The following HS3ST4 variants were observed in gnomAD, a reference collection of about 807,000 sequenced individuals.
The protein encoded by HS3ST4 is heparan sulfate glucosamine 3-O-sulfotransferase 4.
HS3ST4 carries 17 observed loss-of-function variants against 29.2 expected under a neutral mutation model. The observed-to-expected ratio is 0.58, with a 90% CI of 0.40 to 0.87. The LOEUF is 0.87. HS3ST4 is among the 40% of genes least tolerant of loss of function. The pLI is 0.00. For synonymous variants in HS3ST4, 314 were observed against 285.7 expected (o/e 1.10, Z -1.00); for missense variants, 627 against 634.5 (o/e 0.99, Z 0.13).
rs1966259709 is a variant in HS3ST4, at chr16:25,692,471, C to T, written c.54C>T (p.Ala18=). Residue 18 remains alanine (A), a synonymous_variant, in exon 1 of 2, where the codon GCC becomes GCT. Coordinates refer to ENST00000331351, the MANE Select transcript of HS3ST4 (RefSeq NM_006040.3). ...CTCCGCCTCCGCCTCCACCTCTGGC[C>T]GCGCCGCCGCCGCCCGGCGCCTCTG... ...PPPPPPPPPL[A]APPPPGASAK... is the part of the protein sequence containing the mutation. The T allele has an allele frequency of 1.5e-6, 2 of 1,364,842 alleles. No homozygotes were observed. The highest frequency in any genetic ancestry group is 1.9e-6 in the Non-Finnish European group (2 of 1,045,292). 84.5% of individuals were successfully genotyped at this position (1,364,842 alleles called of 1,614,324 possible).
At chr16:25,736,497 G>A (rs1202397102) in intron 1 of HS3ST4, among the ~76,000 whole-genome samples, 1 of 152,178 alleles carries the variant, frequency 6.6e-6, no homozygotes, top group Non-Finnish European at 1.5e-5. Context: ...TCTGTAAGAT[G>A]CACTCTTATT....
At chr16:25,722,550 C>T (rs1037593242) in intron 1 of HS3ST4, among the ~76,000 whole-genome samples, 1 of 152,180 alleles carries the variant, frequency 6.6e-6, no homozygotes, top group African/African-American at 2.4e-5. Context: ...CATATGGATA[C>T]AGTGTCACCT....
At chr16:26,039,246 G>A (rs1969611665) in intron 1 of HS3ST4, among the ~76,000 whole-genome samples, 1 of 152,190 alleles carries the variant, frequency 6.6e-6, no homozygotes, top group Non-Finnish European at 1.5e-5. Context: ...TATAGGTAAA[G>A]TGAAGATGTC....
intron 1 of HS3ST4, among the ~76,000 whole-genome samples, chr16:25,925,716 C>T (rs1432445473): frequency 6.6e-6 from 1 of 152,158 alleles, no homozygotes; most frequent in African/African-American, 2.4e-5. Context: ...GTGTCTTTCG[C>T]AAAGCCAAAG....
Position 25,979,057 on chromosome 16 carries a change from C to T in HS3ST4, c.735-156555C>T, listed in dbSNP as rs538203319. Among the ~76,000 whole-genome samples, 5 of 150,228 alleles carry T rather than the reference C, an allele frequency of 3.3e-5. No homozygotes were observed. The South Asian group carries it at 1.1e-3, about 32-fold the overall frequency. On this transcript the variant is annotated intron_variant, in intron 1 of 1. Transcript: ENST00000331351. Reference sequence around the variant, plus strand: ...GGATTACAGGCATGCACCATCATGCCCGGCTAATTTTGTATTTTCAGTAGA... The same window carrying T: ...GGATTACAGGCATGCACCATCATGCTCGGCTAATTTTGTATTTTCAGTAGA...
chr16:25,860,490 A>T (rs1967625620), intron 1 of HS3ST4, among the ~76,000 whole-genome samples: 1 of 152,168 alleles, frequency 6.6e-6, no homozygotes, highest in South Asian at 2.1e-4. Flanking sequence ...TACACAGTTT[A>T]TGGATACATA....
intron 1 of HS3ST4, among the ~76,000 whole-genome samples, chr16:25,852,406 C>A (rs553861095): frequency 6.6e-6 from 1 of 152,226 alleles, no homozygotes; most frequent in South Asian, 2.1e-4. Flanking sequence ...AACCCATCAC[C>A]TAGGTATTAA....
At chr16:26,024,956 T>C (rs1416493379) in intron 1 of HS3ST4, among the ~76,000 whole-genome samples, 2 of 152,204 alleles carry the variant, frequency 1.3e-5, no homozygotes, top group African/African-American at 4.8e-5. Flanking sequence ...TTGTGGAATA[T>C]GACTTATCTT....
Position 26,046,286 on chromosome 16 carries a change from G to A in HS3ST4, c.735-89326G>A, listed in dbSNP as rs79380879. 0.023 allele frequency among the ~76,000 whole-genome samples: 3,433 copies of A among 152,006 alleles called. 206 individuals are homozygous for A. In the East Asian group the frequency reaches 0.28, roughly 12 times the overall value. On this transcript the variant is annotated intron_variant, in intron 1 of 1. Transcript: ENST00000331351. ...CTGTCTCAGCCTCCTGAGTAGCTGG[G>A]ATGACAGGCACTTGCCACCACGCCC... is the stretch of plus-strand genomic sequence containing the variant.
At chr16:25,794,330 T>G (rs1027018317) in intron 1 of HS3ST4, among the ~76,000 whole-genome samples, 1 of 152,150 alleles carries the variant, frequency 6.6e-6, no homozygotes. Context: ...TCTTTATTTC[T>G]TCTTGCATTT....
intron 1 of HS3ST4, among the ~76,000 whole-genome samples, chr16:25,920,013 G>A (rs2141682284): frequency 6.6e-6 from 1 of 151,654 alleles, no homozygotes; most frequent in African/African-American, 2.4e-5. Context: ...CAGAGGGTGT[G>A]GATCTGAGTC....
chr16:25,909,083 G>C (rs1325254178), intron 1 of HS3ST4, among the ~76,000 whole-genome samples: 2 of 152,228 alleles, frequency 1.3e-5, no homozygotes, highest in Non-Finnish European at 2.9e-5. Flanking sequence ...GATTACAGCA[G>C]AGCATCTCCA....
chr16:25,994,727 A>G (rs942674857), intron 1 of HS3ST4, among the ~76,000 whole-genome samples: 6 of 152,090 alleles, frequency 3.9e-5, no homozygotes, highest in Admixed American at 1.3e-4. Context: ...TGTAACTAAA[A>G]AAAATATATA....
chr16:25,778,907 A>G (rs1191232060), intron 1 of HS3ST4, among the ~76,000 whole-genome samples: 2 of 152,192 alleles, frequency 1.3e-5, no homozygotes, highest in Admixed American at 6.5e-5. Context: ...ATCAAATCTT[A>G]CCTGATTCTC....
intron 1 of HS3ST4, among the ~76,000 whole-genome samples, chr16:26,077,520 T>C (rs1898676774): frequency 6.6e-6 from 1 of 152,236 alleles, no homozygotes; most frequent in Non-Finnish European, 1.5e-5. Context: ...CCACTGTGCT[T>C]ATTGAGCACT....
chr16:25,870,784 C>T (rs772659195), intron 1 of HS3ST4, among the ~76,000 whole-genome samples: 1 of 152,106 alleles, frequency 6.6e-6, no homozygotes, highest in Non-Finnish European at 1.5e-5. Flanking sequence ...TGCAATAGTT[C>T]AGGCAAGAGA....
intron 1 of HS3ST4, among the ~76,000 whole-genome samples, chr16:25,826,740 G>C (rs1197127106): frequency 6.6e-6 from 1 of 152,154 alleles, no homozygotes; most frequent in Non-Finnish European, 1.5e-5. Flanking sequence ...GGAGGGATAG[G>C]AGCCTGTGGC....
intron 1 of HS3ST4, among the ~76,000 whole-genome samples, chr16:25,777,095 G>A (rs1966848171): frequency 6.6e-6 from 1 of 152,086 alleles, no homozygotes; most frequent in South Asian, 2.1e-4. Flanking sequence ...TCACTGAAAA[G>A]CATTAGGTGT....
intron 1 of HS3ST4, among the ~76,000 whole-genome samples, chr16:26,078,307 G>GT (rs1375663256): frequency 5.3e-5 from 8 of 151,986 alleles, no homozygotes; most frequent in African/African-American, 1.9e-4. Flanking sequence ...CATCCAGATA[G>GT]TTTTTTTGTG....
Sources: gnomAD v4.1 joint callset for allele counts (sites outside exome capture counted in the v4.1 genomes callset) on GRCh38, gnomAD v4.1.1 for gene constraint, MANE v1.5 for transcripts, NCBI Gene and HGNC (gene_info 2026-07-23, HGNC 2026-07-21) for gene names.